ITGB1: variants seen among roughly 807,000 people sequenced by gnomAD.
ITGB1 encodes integrin beta-1.
Under a neutral mutation model 86.5 loss-of-function variants are expected in ITGB1, and 24 were observed. That is an observed-to-expected ratio of 0.28 (90% CI 0.20 to 0.39). The LOEUF is 0.39. Among genes scored for constraint, ITGB1 ranks in the 10% least tolerant of loss-of-function variants. ITGB1 has a pLI of 1.00. For missense variants in ITGB1, 556 were observed against 946.9 expected (o/e 0.59, Z 5.42); for synonymous variants, 323 against 316.8 (o/e 1.02, Z -0.21).
At position 32,926,632 on chromosome 10, in the gene ITGB1, G is replaced by A. The variant is rs548143926; in HGVS notation, c.548-523C>T. 1.1e-3 allele frequency among the ~76,000 whole-genome samples: 160 copies of A among 152,294 alleles called. 2 individuals are homozygous for A. The Middle Eastern group carries it at 0.02, about 19-fold the overall frequency. On this transcript the variant is annotated intron_variant, in intron 5 of 15. Transcript: ENST00000302278. ...GGAAGCTTCCTGAGGCCTCCCCAGA[G>A]GCCTTGCTGATGCTAGCGCCATGCT...
intron 1 of ITGB1, chr10:32,944,725 G>A (rs80154515): frequency 0.088 from 61,398 of 696,184 alleles, 4,488 homozygotes; most frequent in South Asian, 0.25. Flanking sequence ...TGATTAGCCC[G>A]AATGTGCCCT....
chr10:32,936,335 G>A (rs1305996454), intron 1 of ITGB1: 1 of 152,176 alleles, frequency 6.6e-6, no homozygotes, highest in African/African-American at 2.4e-5. Flanking sequence ...GCTGAGGCAG[G>A]AGAACTGCTT....
intron 1 of ITGB1, among the ~76,000 whole-genome samples, chr10:32,950,229 T>C (rs2095039991): frequency 6.6e-6 from 1 of 152,178 alleles, no homozygotes; most frequent in Non-Finnish European, 1.5e-5. Context: ...AAAATCAATA[T>C]ATTCCAGAAG....
chr10:32,921,144 G>A (rs949182091), intron 9 of ITGB1, among the ~76,000 whole-genome samples: 1 of 140,594 alleles, frequency 7.1e-6, no homozygotes, highest in African/African-American at 2.6e-5. Context: ...ATTTGCTTAA[G>A]GAACCATTGT....
chr10:32,903,079 CG>C (rs1367221660), intron 15 of ITGB1, among the ~76,000 whole-genome samples: 1 of 151,916 alleles, frequency 6.6e-6, no homozygotes, highest in Non-Finnish European at 1.5e-5. Flanking sequence ...AGGGCAGGCG[CG>C]GTGGCTCATG....
At position 32,902,980 on chromosome 10, in the gene ITGB1, T is replaced by C. The variant is rs528234200; in HGVS notation, c.2332-1345A>G. Among the ~76,000 whole-genome samples the C allele has an allele frequency of 2.0e-5, 3 of 152,118 alleles. No homozygotes were observed. The East Asian group carries it at 5.8e-4, about 29-fold the overall frequency. ...ACTAGAAAAATTATTGGTTGGTAAATAGCAATCTATGCAAAGTCAAGGTGT... is the reference window on the plus strand; with the variant it reads ...ACTAGAAAAATTATTGGTTGGTAAACAGCAATCTATGCAAAGTCAAGGTGT... On this transcript the variant is annotated intron_variant, in intron 15 of 15. Transcript: ENST00000302278.
At chr10:32,938,599 G>T (rs529059948) in intron 1 of ITGB1, among the ~76,000 whole-genome samples, 22 of 152,318 alleles carry the variant, frequency 1.4e-4, no homozygotes, top group African/African-American at 5.3e-4. Context: ...TGTGCCTCCG[G>T]AAGAGCTCCA....
intron 14 of ITGB1, 24 bp from the exon 15 acceptor site, chr10:32,908,558 G>A (rs757387843): frequency 6.2e-7 from 1 of 1,606,780 alleles, no homozygotes; most frequent in Non-Finnish European, 8.5e-7. Flanking sequence ...AGGTAATAAT[G>A]AGCACCACAA....
intron 6 of ITGB1, among the ~76,000 whole-genome samples, chr10:32,924,331 T>C (rs2094958510): frequency 6.6e-6 from 1 of 152,238 alleles, no homozygotes; most frequent in South Asian, 2.1e-4. Flanking sequence ...ATCCTTGCCC[T>C]TTCCAATAAA....
At chr10:32,922,436 G>T in intron 8 of ITGB1, 90 bp from the exon 9 acceptor site, 3 of 902,782 alleles carry the variant, frequency 3.3e-6, no homozygotes, top group Non-Finnish European at 3.6e-6. Context: ...TTAAATGCCA[G>T]TTCCCATGTT....
At chr10:32,927,835 A>T (rs931694083) in intron 5 of ITGB1, among the ~76,000 whole-genome samples, 4 of 152,204 alleles carry the variant, frequency 2.6e-5, no homozygotes, top group African/African-American at 7.2e-5. Flanking sequence ...TCAAGTTAGT[A>T]TGAAAATAAG....
intron 1 of ITGB1, among the ~76,000 whole-genome samples, chr10:32,949,338 T>C (rs1210225596): frequency 5.9e-5 from 9 of 152,144 alleles, no homozygotes; most frequent in Non-Finnish European, 1.0e-4. Context: ...CTGACTTCAT[T>C]AAACTGTAAT....
At chr10:32,922,833 G>A in intron 7 of ITGB1, 98 bp from the exon 8 acceptor site, 3 of 646,336 alleles carry the variant, frequency 4.6e-6, no homozygotes, top group Non-Finnish European at 7.9e-6. Context: ...CACATAACTC[G>A]ATTACAAGAC....
At chr10:32,946,070 T>A (rs1297652021) in intron 1 of ITGB1, among the ~76,000 whole-genome samples, 4 of 152,256 alleles carry the variant, frequency 2.6e-5, no homozygotes, top group Non-Finnish European at 5.9e-5. Flanking sequence ...AATTGAAATC[T>A]ATGTTTTCAG....
intron 1 of ITGB1, among the ~76,000 whole-genome samples, chr10:32,940,484 A>T (rs1366631917): frequency 6.6e-6 from 1 of 152,204 alleles, no homozygotes; most frequent in Non-Finnish European, 1.5e-5. Context: ...TGTTTACACC[A>T]GCATCACCAC....
intron 1 of ITGB1, among the ~76,000 whole-genome samples, chr10:32,943,345 T>TA (rs2095023471): frequency 6.6e-6 from 1 of 152,216 alleles, no homozygotes; most frequent in Non-Finnish European, 1.5e-5. Context: ...TGTTTATTAT[T>TA]AACATGAAAG....
rs2094944334 is a variant in ITGB1 at position 32,920,088 on chromosome 10, G to C, written c.1270-4C>G. 2 of 1,607,500 alleles carry C rather than the reference G, an allele frequency of 1.2e-6. No homozygotes were observed. Among genetic ancestry groups the C allele is most frequent in the Non-Finnish European group, 1.7e-6 (2 of 1,176,584 alleles). On this transcript the variant is annotated splice_region_variant and splice_polypyrimidine_tract_variant and intron_variant, in intron 10 of 15. Transcript: ENST00000302278. Reference sequence around the variant, plus strand: ...TTATGCTAATTTCAAATTGAACCTTGAAGGGAAAAAAAAGATTAACAACCA... The same window carrying C: ...TTATGCTAATTTCAAATTGAACCTTCAAGGGAAAAAAAAGATTAACAACCA...
chr10:32,926,042 G>A lies in ITGB1; in HGVS notation c.615C>T (p.Asn205=). The change falls in exon 6 of 16, where the codon AAC becomes AAT. Residue 205 remains asparagine (N), a synonymous_variant. Transcript: ENST00000302278. ...YISTTPAKLR[N]PCTSEQNCTS... ...TGCAGTTCTGTTCACTTGTGCAAGGGTTCCTGAGCTTAGCTGGTGTTGTGC... is the reference window on the plus strand; with the variant it reads ...TGCAGTTCTGTTCACTTGTGCAAGGATTCCTGAGCTTAGCTGGTGTTGTGC... 1 of 1,614,112 alleles carries A rather than the reference G, an allele frequency of 6.2e-7. No individual in the cohort carries two copies. Among genetic ancestry groups the A allele is most frequent in the Non-Finnish European group, 8.5e-7 (1 of 1,180,022 alleles).
At chr10:32,902,972 T>C (rs188502767) in intron 15 of ITGB1, among the ~76,000 whole-genome samples, 133 of 152,128 alleles carry the variant, frequency 8.7e-4, no homozygotes, top group African/African-American at 3.2e-3. Context: ...AAATTATTGG[T>C]TGGTAAATAG....
Sources: gnomAD v4.1 joint callset for allele counts (sites outside exome capture counted in the v4.1 genomes callset) on GRCh38, gnomAD v4.1.1 for gene constraint, MANE v1.5 for transcripts, NCBI Gene and HGNC (gene_info 2026-07-23, HGNC 2026-07-21) for gene names.